Variants in PYGM observed in about 807,000 individuals in gnomAD.
PYGM encodes glycogen phosphorylase, muscle form.
In PYGM, 81 loss-of-function variants were observed where a neutral mutation model predicts 99.3. The observed-to-expected ratio is 0.82, with a 90% CI of 0.68 to 0.98. PYGM has a LOEUF of 0.98. Among genes scored for constraint, PYGM ranks in the 50% least tolerant of loss-of-function variants. The probability of loss-of-function intolerance (pLI) is 0.00; values close to 1 mark genes in which losing one functional copy is unlikely to be tolerated. For synonymous variants in PYGM, 436 were observed against 451.5 expected, an observed-to-expected ratio of 0.97 and a Z score of 0.44; for missense variants, 1,030 against 1,158.1, an observed-to-expected ratio of 0.89 and a Z score of 1.61.
chr11:64,756,628 T>C (rs1401807160), intron 5 of PYGM, among the ~76,000 whole-genome samples: 1 of 152,124 alleles, frequency 6.6e-6, no homozygotes, highest in Non-Finnish European at 1.5e-5. Context: ...TGTTTTTGTG[T>C]TTTTAGTAGA....
chr11:64,758,799 C>T (rs2058413481), intron 1 of PYGM, 95 bp from the exon 2 acceptor site: 1 of 1,122,050 alleles, frequency 8.9e-7, no homozygotes, highest in Admixed American at 1.8e-5. Flanking sequence ...GCCCGCCTGC[C>T]CTGCTCAGCA....
At chr11:64,751,049 G>T in intron 16 of PYGM, 3 of 421,474 alleles carry the variant, frequency 7.1e-6, no homozygotes, top group Non-Finnish European at 1.3e-5. Context: ...CTGCCATCAC[G>T]CCCAGCTAAT....
rs765394865 is a variant in PYGM at position 64,755,523 on chromosome 11, A to G, written c.696T>C (p.Pro232=). The G allele has an allele frequency of 6.2e-7, 1 of 1,614,112 alleles. No homozygotes were observed. Among genetic ancestry groups the G allele is most frequent in the Non-Finnish European group, 8.5e-7 (1 of 1,180,000 alleles). The change falls in exon 6 of 20, where the codon CCT becomes CCC. Residue 232 remains proline (P), a synonymous_variant. Transcript: ENST00000164139. The surrounding 1 kb of genome is among the most constrained non-coding windows in gnomAD (Gnocchi z 4.1). ...TGTTGACAACATTGTTGCGATAGCC[A>G]GGCACGGGCGTATCGTAGGGCATGG... is the stretch of plus-strand genomic sequence containing the variant. ...VLAMPYDTPV[P]GYRNNVVNTM...
intron 5 of PYGM, among the ~76,000 whole-genome samples, chr11:64,757,051 A>C (rs1219066481): frequency 6.6e-6 from 1 of 152,006 alleles, no homozygotes; most frequent in African/African-American, 2.4e-5. Flanking sequence ...CAGCCACCCG[A>C]GTAGCTGGGA....
At chr11:64,751,748 T>C in intron 14 of PYGM, 93 bp from the exon 15 acceptor site, 3 of 1,546,670 alleles carry the variant, frequency 1.9e-6, no homozygotes, top group Non-Finnish European at 8.9e-7. Context: ...TAGGCCTGAC[T>C]CGAACAATCA....
rs560398860 is a variant in PYGM, at chr11:64,753,319, G to T, written c.1404-132C>A. 1.4e-4 allele frequency: 172 copies of T among 1,191,394 alleles called. No individual in the cohort carries two copies. The African/African-American group carries it at 2.0e-3, about 14-fold the overall frequency. The allele number at this position is 1,191,394 out of a possible 1,614,324, so 73.8% of individuals were successfully genotyped here. A position where few individuals can be genotyped will look rare whatever the true frequency, so the allele number is the denominator to read the frequency against. On this transcript the variant is annotated intron_variant, in intron 11 of 19. Transcript: ENST00000164139. ...AATGCAGACCTGGGGAAGGTTGGGG[G>T]TGCTGTGTGTAAGAGGAGGTCATCT...
intron 14 of PYGM, 124 bp from the exon 15 acceptor site, chr11:64,751,779 TCA>T: frequency 6.6e-7 from 1 of 1,514,000 alleles, no homozygotes; most frequent in Non-Finnish European, 9.1e-7. Flanking sequence ...TCTCTTAGCC[TCA>T]GTTTGCCCAT....
chr11:64,757,730 T>C, intron 5 of PYGM, 49 bp downstream of exon 5: 2 of 1,613,022 alleles, frequency 1.2e-6, no homozygotes, highest in East Asian at 4.5e-5. Flanking sequence ...GGCTTCCTTC[T>C]CTTCCCTCCC....
intron 17 of PYGM, among the ~76,000 whole-genome samples, chr11:64,749,288 GGT>G (rs1335266482): frequency 6.6e-6 from 1 of 151,764 alleles, no homozygotes; most frequent in Non-Finnish European, 1.5e-5. Context: ...TGGAGGTTGC[GGT>G]GAGCCAAGAT....
intron 3 of PYGM, 39 bp from the exon 4 acceptor site, chr11:64,758,388 A>C: frequency 6.2e-7 from 1 of 1,612,954 alleles, no homozygotes; most frequent in Non-Finnish European, 8.5e-7. Flanking sequence ...GGGACCCAGC[A>C]AGGAGGACCC....
chr11:64,752,352 C>T, intron 13 of PYGM, 51 bp downstream of exon 13: 2 of 1,586,820 alleles, frequency 1.3e-6, no homozygotes, highest in Non-Finnish European at 1.7e-6. Flanking sequence ...CATCTGGCCC[C>T]TCCAGCGCTC....
intron 2 of PYGM, 21 bp downstream of exon 2, chr11:64,758,582 C>T: frequency 3.1e-6 from 5 of 1,613,310 alleles, no homozygotes; most frequent in Non-Finnish European, 4.2e-6. Flanking sequence ...GTCCCCACGG[C>T]TTGCCCCACC....
Position 64,759,805 on chromosome 11 carries a change from A to G in PYGM, c.94T>C (p.Phe32Leu). The G allele has an allele frequency of 6.2e-7, 1 of 1,614,192 alleles. No homozygotes were observed. Among genetic ancestry groups the G allele is most frequent in the African/African-American group, 1.3e-5 (1 of 75,036 alleles). The part of the protein sequence containing the change: ...VENVTELKKN[F>L]NRHLHFTLVK... ...AGTGTGAAATGCAGGTGCCGGTTGAAGTTCTTTTTCAGCTCAGTCACGTTC... is the reference window on the plus strand; with the variant it reads ...AGTGTGAAATGCAGGTGCCGGTTGAGGTTCTTTTTCAGCTCAGTCACGTTC... Residue 32 changes from phenylalanine (F) to leucine (L), a missense_variant, in exon 1 of 20, where the codon TTC (phenylalanine) becomes CTC (leucine). Coordinates refer to ENST00000164139, the MANE Select transcript of PYGM (RefSeq NM_005609.4).
At chr11:64,753,822 G>A in intron 10 of PYGM, 57 bp downstream of exon 10, 5 of 1,548,162 alleles carry the variant, frequency 3.2e-6, no homozygotes, top group East Asian at 2.4e-5. Context: ...CGACTCCCAG[G>A]CCCAGACTGG....
chr11:64,746,643 G>A lies in PYGM; in HGVS notation c.*16C>T. On this transcript the variant is annotated 3_prime_UTR_variant, in exon 20 of 20. Transcript: ENST00000164139. The stretch of plus-strand genomic sequence containing the variant: ...GTGACAGACTCAAGGGCTGGTTTGG[G>A]GTCTGGTCTGGAGGCTCAGATGGCC... 6.2e-7 allele frequency: 1 copy of A among 1,614,048 alleles called. No homozygotes were observed. The highest frequency in any genetic ancestry group is 8.5e-7 in the Non-Finnish European group (1 of 1,180,018).
intron 10 of PYGM, 70 bp downstream of exon 10, chr11:64,753,808 GC>G: frequency 6.5e-7 from 1 of 1,545,072 alleles, no homozygotes; most frequent in Non-Finnish European, 8.7e-7. Context: ...CTGGCTGGAC[GC>G]CCCGACTCCC....
Position 64,754,950 on chromosome 11 carries a change from G to T in PYGM, c.856-114C>A. On this transcript the variant is annotated intron_variant, in intron 7 of 19. Coordinates refer to ENST00000164139, the MANE Select transcript of PYGM (RefSeq NM_005609.4). The surrounding 1 kb of genome is among the most constrained non-coding windows in gnomAD (Gnocchi z 5.5). Reference sequence around the variant, plus strand: ...TACCGGGACCCCTGAGCCCTGAGCCGGCCCCCTCTCTGGGACCCAGGGGCC... The same window carrying T: ...TACCGGGACCCCTGAGCCCTGAGCCTGCCCCCTCTCTGGGACCCAGGGGCC... The T allele has an allele frequency of 6.9e-7, 1 of 1,444,646 alleles. No homozygotes were observed. Among genetic ancestry groups the T allele is most frequent in the Non-Finnish European group, 9.3e-7 (1 of 1,070,782 alleles). 89.5% of individuals were successfully genotyped at this position (1,444,646 alleles called of 1,614,324 possible).
In PYGM at chr11:64,747,003, T is replaced by C; in HGVS notation, c.2313-16A>G. 6.2e-7 allele frequency: 1 copy of C among 1,612,800 alleles called. No homozygotes were observed. Among genetic ancestry groups the C allele is most frequent in the Non-Finnish European group, 8.5e-7 (1 of 1,178,794 alleles). ...GACTTTAAACCTGGAGGGGAAAGGA[T>C]AGGCATGTGCTATTCCTTTAGGGGG... On this transcript the variant is annotated splice_polypyrimidine_tract_variant and intron_variant, in intron 18 of 19. Transcript: ENST00000164139.
intron 18 of PYGM, 116 bp from the exon 19 acceptor site, chr11:64,747,103 G>A (rs1178829806): frequency 1.3e-6 from 2 of 1,568,930 alleles, no homozygotes; most frequent in Admixed American, 1.7e-5. Flanking sequence ...AGAGGGTCAT[G>A]CTGCTTCCAA....
Sources: gnomAD v4.1 joint callset for allele counts (sites outside exome capture counted in the v4.1 genomes callset) on GRCh38, gnomAD v4.1.1 for gene constraint, Gnocchi (gnomAD v3.1) non-coding constraint, MANE v1.5 for transcripts, NCBI Gene and HGNC (gene_info 2026-07-23, HGNC 2026-07-21) for gene names.